Variants in GABRA1 observed in about 807,000 individuals in gnomAD.
The protein encoded by GABRA1 is gamma-aminobutyric acid receptor subunit alpha-1.
Under a neutral mutation model 48.9 loss-of-function variants are expected in GABRA1, and 9 were observed. The observed-to-expected ratio is 0.18, with a 90% CI of 0.11 to 0.32. The LOEUF (loss-of-function observed/expected upper bound fraction) is 0.32, where lower values mean the gene tolerates loss of function less well. Ranked by LOEUF, GABRA1 falls within the 10% of genes least tolerant of loss-of-function variation. The pLI is 1.00. For synonymous variants in GABRA1, 210 were observed against 198.7 expected (o/e 1.06, Z -0.48); for missense variants, 285 against 553.8 (o/e 0.51, Z 4.87).
At chr5:161,880,327 A>G (rs528637116) in intron 6 of GABRA1, among the ~76,000 whole-genome samples, 1 of 152,294 alleles carries the variant, frequency 6.6e-6, no homozygotes, top group East Asian at 1.9e-4. Flanking sequence ...ACAATAATTT[A>G]TCATATTAAA....
At chr5:161,895,940 G>T (rs948542535) in intron 9 of GABRA1, 72 bp downstream of exon 9, 20 of 1,353,026 alleles carry the variant, frequency 1.5e-5, no homozygotes, top group Non-Finnish European at 2.1e-5. Context: ...AGATGTTTTG[G>T]CCTGTGGTAT....
intron 6 of GABRA1, among the ~76,000 whole-genome samples, chr5:161,879,291 T>C (rs1342656848): frequency 6.6e-6 from 1 of 152,108 alleles, no homozygotes; most frequent in Non-Finnish European, 1.5e-5. Flanking sequence ...AAATAAATTT[T>C]TGTAGAGACA....
chr5:161,895,149 G>A (rs1175280616), intron 8 of GABRA1, among the ~76,000 whole-genome samples: 1 of 152,086 alleles, frequency 6.6e-6, no homozygotes, highest in Non-Finnish European at 1.5e-5. Flanking sequence ...GAAAGATAGT[G>A]TAAAACCATG....
Position 161,882,724 on chromosome 5 carries a change from A to G in GABRA1, c.703+23A>G, listed in dbSNP as rs1332792468. The G allele has an allele frequency of 2.5e-6, 4 of 1,602,564 alleles. No individual in the cohort carries two copies. In the Admixed American group the frequency reaches 6.7e-5, roughly 27 times the overall value. The stretch of plus-strand genomic sequence containing the variant: ...CAGGTAAGTACGATTTTGTTACTTC[A>G]GTTATGGAGGAAGAAGAAGAATAAT... On this transcript the variant is annotated intron_variant, in intron 7 of 9. Coordinates refer to ENST00000393943, the MANE Select transcript of GABRA1 (RefSeq NM_001127644.2).
chr5:161,882,836 A>G, intron 7 of GABRA1, 135 bp downstream of exon 7: 1 of 838,084 alleles, frequency 1.2e-6, no homozygotes, highest in South Asian at 1.4e-5. Context: ...TGAGCTGGGA[A>G]CTAATGTAAA....
At chr5:161,890,110 T>TATAC (rs1755024039) in intron 7 of GABRA1, among the ~76,000 whole-genome samples, 1 of 152,022 alleles carries the variant, frequency 6.6e-6, no homozygotes, top group African/African-American at 2.4e-5. Context: ...GGGTTGTGTG[T>TATAC]CTACTGCTTT....
chr5:161,862,942 GT>G (rs374577232), intron 3 of GABRA1, among the ~76,000 whole-genome samples: 91 of 151,816 alleles, frequency 6.0e-4, no homozygotes, highest in African/African-American at 2.0e-3. Context: ...TTAAATCTGA[GT>G]ATTTAGATGC....
intron 8 of GABRA1, among the ~76,000 whole-genome samples, chr5:161,894,106 T>G (rs1370654123): frequency 6.6e-6 from 1 of 152,208 alleles, no homozygotes; most frequent in Non-Finnish European, 1.5e-5. Context: ...TTGTCAATTA[T>G]AATAGTCATT....
At chr5:161,863,098 C>A (rs568205066) in intron 3 of GABRA1, among the ~76,000 whole-genome samples, 5 of 151,536 alleles carry the variant, frequency 3.3e-5, no homozygotes, top group Admixed American at 2.6e-4. Flanking sequence ...GTAGAAAATT[C>A]CCAGGAAAAA....
At chr5:161,861,827 G>A (rs1388681772) in intron 3 of GABRA1, among the ~76,000 whole-genome samples, 2 of 151,790 alleles carry the variant, frequency 1.3e-5, no homozygotes, top group African/African-American at 2.4e-5. Context: ...TTTAAAGTAG[G>A]GTTTTCAGAT....
chr5:161,872,940 C>A, intron 4 of GABRA1, 177 bp from the exon 5 acceptor site: 5 of 614,780 alleles, frequency 8.1e-6, no homozygotes, highest in South Asian at 3.9e-5. Context: ...ATCATTACAC[C>A]AACCAGTGAT....
chr5:161,897,039 C>T, intron 9 of GABRA1, 72 bp from the exon 10 acceptor site: 1 of 1,441,374 alleles, frequency 6.9e-7, no homozygotes, highest in Non-Finnish European at 9.8e-7. Flanking sequence ...ATAAGGGCCA[C>T]CTTGCTCAGC....
intron 8 of GABRA1, 74 bp downstream of exon 8, chr5:161,891,124 A>C (rs1755069084): frequency 7.2e-7 from 1 of 1,382,606 alleles, no homozygotes; most frequent in Non-Finnish European, 1.0e-6. Flanking sequence ...GACACTGCAA[A>C]GAGAAATAAA....
At position 161,865,983 on chromosome 5, in the gene GABRA1, A is replaced by G. The variant is rs1403448570; in HGVS notation, c.255+195A>G. On this transcript the variant is annotated intron_variant, in intron 4 of 9. Transcript: ENST00000393943. ...AATACTCATTTGCATTCCAGATCAGACCTATTTCCATGATTTTCAACCACT... is the reference window on the plus strand; with the variant it reads ...AATACTCATTTGCATTCCAGATCAGGCCTATTTCCATGATTTTCAACCACT... Among the ~76,000 whole-genome samples the G allele has an allele frequency of 3.9e-5, 6 of 152,068 alleles. No individual in the cohort carries two copies. In the South Asian group the frequency reaches 8.3e-4, roughly 21 times the overall value.
intron 6 of GABRA1, 40 bp from the exon 7 acceptor site, chr5:161,882,518 T>C (rs193020805): frequency 4.7e-4 from 738 of 1,582,256 alleles, no homozygotes; most frequent in Non-Finnish European, 5.4e-4. Flanking sequence ...AGAATTGAAG[T>C]GGTAAAATAT....
chr5:161,863,427 G>A (rs946802043), intron 3 of GABRA1, among the ~76,000 whole-genome samples: 2 of 151,920 alleles, frequency 1.3e-5, no homozygotes, highest in African/African-American at 4.8e-5. Context: ...TGAAAGGGGA[G>A]CAGATGTATC....
rs3214859 is a variant in GABRA1, at chr5:161,895,646, G to GT, written c.857-9dup. On this transcript the variant is annotated intron_variant, in intron 8 of 9. Transcript: ENST00000393943. ...CACAGTATGAACTGGCATCATGTAT[G>GT]TTTTTTTTTTTCTTTACAGGAGTAA... 0.05 allele frequency: 50,723 copies of GT among 1,007,508 alleles called. No homozygotes were observed. Among genetic ancestry groups the GT allele is most frequent in the Non-Finnish European group, 0.058 (42,163 of 728,900 alleles). The allele number at this position is 1,007,508 out of a possible 1,614,324, so 62.4% of individuals were successfully genotyped here. A position where few individuals can be genotyped will look rare whatever the true frequency, so the allele number is the denominator to read the frequency against.
chr5:161,891,131 T>TA (rs573461878), intron 8 of GABRA1, 81 bp downstream of exon 8: 609 of 1,239,122 alleles, frequency 4.9e-4, no homozygotes, highest in Non-Finnish European at 6.2e-4. Context: ...CAAAGAGAAA[T>TA]AAAAAAAAAT....
intron 8 of GABRA1, among the ~76,000 whole-genome samples, chr5:161,891,554 A>G (rs969013205): frequency 6.6e-6 from 1 of 152,170 alleles, no homozygotes; most frequent in Non-Finnish European, 1.5e-5. Context: ...AGTTACATGC[A>G]TTCATTTTTT....
Sources: allele counts gnomAD v4.1 joint callset (sites outside exome capture counted in the v4.1 genomes callset), GRCh38; gene constraint gnomAD v4.1.1; transcripts MANE v1.5; gene names NCBI Gene and HGNC (gene_info 2026-07-23, HGNC 2026-07-21).